SORCS3: variants seen among roughly 807,000 people sequenced by gnomAD.
The protein encoded by SORCS3 is VPS10 domain-containing receptor SorCS3.
In SORCS3, 57 loss-of-function variants were observed where a neutral mutation model predicts 146.3. The observed-to-expected ratio is 0.39, with a 90% confidence interval of 0.31 to 0.49. The LOEUF (loss-of-function observed/expected upper bound fraction) is 0.49. Ranked by LOEUF, SORCS3 falls within the 20% of genes least tolerant of loss-of-function variation. The probability of loss-of-function intolerance (pLI) is 0.92; values close to 1 mark genes in which losing one functional copy is unlikely to be tolerated. For missense variants in SORCS3, 1,341 were observed against 1,575.5 expected (o/e 0.85, Z 2.52); for synonymous variants, 653 against 618.5 (o/e 1.06, Z -0.83).
chr10:105,204,103 C>T (rs1300831409), intron 16 of SORCS3, among the ~76,000 whole-genome samples: 1 of 152,026 alleles, frequency 6.6e-6, no homozygotes, highest in Non-Finnish European at 1.5e-5. Context: ...CTTTACACGG[C>T]CTTCTGTGGT....
chr10:105,139,261 C>T, intron 7 of SORCS3, 136 bp from the exon 8 acceptor site: 1 of 696,570 alleles, frequency 1.4e-6, no homozygotes, highest in Non-Finnish European at 2.6e-6. Flanking sequence ...GGATTAGAGA[C>T]CCAAAGCCAG....
chr10:104,939,530 G>A (rs1293527451), intron 3 of SORCS3, among the ~76,000 whole-genome samples: 2 of 106,614 alleles, frequency 1.9e-5, no homozygotes, highest in African/African-American at 8.7e-5. Context: ...TTAAGAGAAC[G>A]TCCAAATGGG....
At chr10:105,004,433 T>C (rs1172216768) in intron 4 of SORCS3, among the ~76,000 whole-genome samples, 1 of 152,148 alleles carries the variant, frequency 6.6e-6, no homozygotes, top group Non-Finnish European at 1.5e-5. Context: ...GGAAACCATG[T>C]TACTGAATTT....
At chr10:105,233,483 T>G (rs549265268) in intron 20 of SORCS3, among the ~76,000 whole-genome samples, 27 of 152,274 alleles carry the variant, frequency 1.8e-4, no homozygotes, top group Non-Finnish European at 2.9e-4. Context: ...GGTATACACA[T>G]GCTATGGTGG....
intron 5 of SORCS3, among the ~76,000 whole-genome samples, chr10:105,063,291 A>T (rs867990894): frequency 3.9e-5 from 6 of 152,280 alleles, no homozygotes; most frequent in African/African-American, 1.2e-4. Context: ...AACCTGAGAG[A>T]TGTGCTGGTT....
chr10:104,940,228 ATATATATATATTT>A (rs1307826630), intron 3 of SORCS3, among the ~76,000 whole-genome samples: 34 of 34,208 alleles, frequency 9.9e-4, no homozygotes, highest in African/African-American at 4.4e-3. Context: ...ATATATATAT[ATATATATATATTT>A]TTTTTTTTTT....
intron 4 of SORCS3, among the ~76,000 whole-genome samples, chr10:104,988,440 C>T (rs923174430): frequency 2.6e-5 from 4 of 152,162 alleles, no homozygotes; most frequent in Non-Finnish European, 4.4e-5. Context: ...AGACTGCTTG[C>T]TGATGATAAG....
chr10:105,139,635 T>C, intron 8 of SORCS3, 149 bp downstream of exon 8: 1 of 590,438 alleles, frequency 1.7e-6, no homozygotes, highest in Non-Finnish European at 3.1e-6. Flanking sequence ...TGGCCTCCCT[T>C]AGTGGTGCAC....
chr10:105,008,380 A>G (rs940318935), intron 4 of SORCS3, among the ~76,000 whole-genome samples: 2 of 152,146 alleles, frequency 1.3e-5, no homozygotes, highest in Non-Finnish European at 2.9e-5. Context: ...CTTCACTTTA[A>G]CAGCCTCTGA....
At chr10:104,990,444 A>G (rs1288845962) in intron 4 of SORCS3, among the ~76,000 whole-genome samples, 1 of 152,070 alleles carries the variant, frequency 6.6e-6, no homozygotes, top group Non-Finnish European at 1.5e-5. Flanking sequence ...GACTCTAACC[A>G]GTTGTGCCAA....
chr10:105,197,538 G>A (rs1013884168), intron 14 of SORCS3, among the ~76,000 whole-genome samples: 1 of 152,104 alleles, frequency 6.6e-6, no homozygotes, highest in Admixed American at 6.5e-5. Flanking sequence ...AAAAAAACAG[G>A]TTATTGCCTC....
intron 1 of SORCS3, among the ~76,000 whole-genome samples, chr10:104,817,078 A>G (rs903401120): frequency 3.3e-5 from 5 of 152,132 alleles, no homozygotes; most frequent in Non-Finnish European, 5.9e-5. Flanking sequence ...TGTTGTTTCC[A>G]ACACCCAGAC....
At chr10:105,188,972 A>G (rs1455923749) in intron 14 of SORCS3, among the ~76,000 whole-genome samples, 2 of 152,118 alleles carry the variant, frequency 1.3e-5, no homozygotes, top group Non-Finnish European at 2.9e-5. Flanking sequence ...ACGTTTAACT[A>G]TTTGCTTAGA....
chr10:105,032,601 A>G (rs1418150089), intron 4 of SORCS3, among the ~76,000 whole-genome samples: 1 of 152,182 alleles, frequency 6.6e-6, no homozygotes, highest in Middle Eastern at 3.2e-3. Flanking sequence ...ATGGCATTTC[A>G]TGTGGTAGGA....
intron 2 of SORCS3, among the ~76,000 whole-genome samples, chr10:104,899,264 C>T (rs535534922): frequency 6.6e-6 from 1 of 152,202 alleles, no homozygotes; most frequent in African/African-American, 2.4e-5. Flanking sequence ...TTCAGCTTAT[C>T]TGGCACATTA....
In SORCS3 at chr10:105,129,331, CTTTTTTTTTTTT is replaced by C. The variant is rs71022753; in HGVS notation, c.1213-10051_1213-10040del. 2.9e-5 allele frequency among the ~76,000 whole-genome samples: 3 copies of C among 104,616 alleles called. No homozygotes were observed. In the East Asian group the frequency reaches 1.0e-3, roughly 35 times the overall value. The allele number at this position is 104,616 out of a possible 152,430, so 68.6% of individuals were successfully genotyped here. ...CTTTCTCTTTTCTTTCTTTCTTTCT[CTTTTTTTTTTTT>C]TTTTTTTTTTTTTTACAAAACCCTA... On this transcript the variant is annotated intron_variant, in intron 7 of 26. Transcript: ENST00000369701.
At chr10:104,940,242 T>TA (rs2019304961) in intron 3 of SORCS3, among the ~76,000 whole-genome samples, 9 of 12,938 alleles carry the variant, frequency 7.0e-4, no homozygotes, top group Non-Finnish European at 1.0e-3. Flanking sequence ...ATATATATTT[T>TA]TTTTTTTTTT....
intron 5 of SORCS3, among the ~76,000 whole-genome samples, chr10:105,046,547 A>C (rs1248227851): frequency 6.6e-6 from 1 of 152,060 alleles, no homozygotes; most frequent in African/African-American, 2.4e-5. Context: ...TGATTGTTGT[A>C]ATGGTTGTTA....
intron 1 of SORCS3, among the ~76,000 whole-genome samples, chr10:104,812,794 G>C (rs1360589116): frequency 6.6e-6 from 1 of 152,190 alleles, no homozygotes; most frequent in African/African-American, 2.4e-5. Flanking sequence ...AGAGCCAGTA[G>C]AGCTCAAAAG....
Sources: allele counts gnomAD v4.1 joint callset (sites outside exome capture counted in the v4.1 genomes callset), GRCh38; gene constraint gnomAD v4.1.1; transcripts MANE v1.5; gene names NCBI Gene and HGNC (gene_info 2026-07-23, HGNC 2026-07-21).